Variants in PLPPR1 observed in about 807,000 individuals in gnomAD.
PLPPR1 encodes phospholipid phosphatase related 1.
In PLPPR1, 10 loss-of-function variants were observed where a neutral mutation model predicts 33.1. That is an observed-to-expected ratio of 0.30 (90% CI 0.19 to 0.51). The LOEUF is 0.51. PLPPR1 is among the 20% of genes least tolerant of loss of function. The probability of loss-of-function intolerance (pLI) is 0.97; values close to 1 mark genes in which losing one functional copy is unlikely to be tolerated. For missense variants in PLPPR1, 304 were observed against 408.1 expected (o/e 0.74, Z 2.20); for synonymous variants, 151 against 151.0 (o/e 1.00, Z 0.00).
intron 2 of PLPPR1, among the ~76,000 whole-genome samples, chr9:101,246,055 AATATATATATATATAT>A (rs58070017): frequency 0.039 from 3,361 of 85,672 alleles, 186 homozygotes; most frequent in Middle Eastern, 0.079. Flanking sequence ...ATTGAATATG[AATATATATATATATAT>A]ATATATATAT....
intron 1 of PLPPR1, among the ~76,000 whole-genome samples, chr9:101,071,597 A>C (rs1328348736): frequency 7.8e-6 from 1 of 128,610 alleles, no homozygotes; most frequent in Non-Finnish European, 1.7e-5. Flanking sequence ...GAGCAATGGG[A>C]GTGAGAAGGA....
At chr9:101,100,697 CGTGTGT>C (rs56760066) in intron 1 of PLPPR1, among the ~76,000 whole-genome samples, 3,258 of 146,582 alleles carry the variant, frequency 0.022, 57 homozygotes, top group African/African-American at 0.054. Context: ...CTCTTTGTTC[CGTGTGT>C]GTGTGTGTGT....
At chr9:101,148,425 A>C (rs1331832204) in intron 1 of PLPPR1, among the ~76,000 whole-genome samples, 1 of 151,912 alleles carries the variant, frequency 6.6e-6, no homozygotes, top group Non-Finnish European at 1.5e-5. Flanking sequence ...ATCCTCCACC[A>C]CTTTTCTCTC....
In PLPPR1 at chr9:101,081,985, C is replaced by A. The variant is rs116326668; in HGVS notation, c.-46+52883C>A. Among the ~76,000 whole-genome samples the A allele has an allele frequency of 6.2e-3, 945 of 152,282 alleles. 11 individuals carry two copies. Among genetic ancestry groups the A allele is most frequent in the African/African-American group, 0.022 (912 of 41,558 alleles). On this transcript the variant is annotated intron_variant, in intron 1 of 7. Transcript: ENST00000374874. The stretch of plus-strand genomic sequence containing the variant: ...AAATATCTGCAATTTTAAGCAGGTG[C>A]AATGCTCTGGTTGATGCATCTTTAG...
chr9:101,297,634 A>G (rs1469901106), intron 4 of PLPPR1, among the ~76,000 whole-genome samples: 1 of 152,166 alleles, frequency 6.6e-6, no homozygotes, highest in Non-Finnish European at 1.5e-5. Context: ...TTCTCTATCC[A>G]CTTCTAAACC....
intron 1 of PLPPR1, among the ~76,000 whole-genome samples, chr9:101,125,026 A>G (rs1432455964): frequency 6.6e-6 from 1 of 152,180 alleles, no homozygotes; most frequent in Non-Finnish European, 1.5e-5. Flanking sequence ...TTGCCCTTTG[A>G]GCCATAGCTA....
chr9:101,045,777 G>A (rs961556057), intron 1 of PLPPR1, among the ~76,000 whole-genome samples: 1 of 152,196 alleles, frequency 6.6e-6, no homozygotes, highest in Non-Finnish European at 1.5e-5. Context: ...TTTAACATGG[G>A]AAAGATATTT....
chr9:101,256,307 C>T lies in PLPPR1; in HGVS notation c.64-13573C>T, dbSNP rs1294824518. On this transcript the variant is annotated intron_variant, in intron 2 of 7. Coordinates refer to ENST00000374874, the MANE Select transcript of PLPPR1 (RefSeq NM_207299.2). ...AAAATATTAGGTAGGTGTTTGCTTA[C>T]ACGTTCATAGAATGGTGTGATCACA... Among the ~76,000 whole-genome samples the T allele has an allele frequency of 3.3e-5, 5 of 152,112 alleles. No homozygotes were observed. In the East Asian group the frequency reaches 9.6e-4, roughly 29 times the overall value.
intron 4 of PLPPR1, among the ~76,000 whole-genome samples, chr9:101,302,251 A>G (rs1828767180): frequency 6.6e-6 from 1 of 152,220 alleles, no homozygotes; most frequent in South Asian, 2.1e-4. Flanking sequence ...TGTACTAAGC[A>G]CAGCATATTA....
At position 101,287,328 on chromosome 9, in the gene PLPPR1, C is replaced by CA. The variant is rs1324398763; in HGVS notation, c.385+1093dup. On this transcript the variant is annotated intron_variant, in intron 4 of 7. Transcript: ENST00000374874. ...TGATGCCACTACTATCTAGTTCACT[C>CA]ATTCCAAACAATGGCTCCTTCCAAA... 2.6e-5 allele frequency among the ~76,000 whole-genome samples: 4 copies of CA among 152,180 alleles called. No individual in the cohort carries two copies. The East Asian group carries it at 7.7e-4, about 29-fold the overall frequency.
intron 1 of PLPPR1, among the ~76,000 whole-genome samples, chr9:101,151,739 A>AC (rs1831589305): frequency 6.6e-6 from 1 of 152,138 alleles, no homozygotes; most frequent in Admixed American, 6.5e-5. Flanking sequence ...TCATGATCTT[A>AC]CCCTTAGGTC....
intron 2 of PLPPR1, among the ~76,000 whole-genome samples, chr9:101,259,323 C>A (rs1827855080): frequency 6.6e-6 from 1 of 152,120 alleles, no homozygotes; most frequent in African/African-American, 2.4e-5. Flanking sequence ...TGGTAGGCTG[C>A]TTCTATCCAT....
intron 2 of PLPPR1, among the ~76,000 whole-genome samples, chr9:101,203,979 C>A (rs1348967160): frequency 6.6e-6 from 1 of 152,050 alleles, no homozygotes; most frequent in African/African-American, 2.4e-5. Flanking sequence ...ATTAAGTGGT[C>A]TGTAAAGATA....
intron 4 of PLPPR1, among the ~76,000 whole-genome samples, chr9:101,291,860 T>C (rs1828515953): frequency 1.3e-5 from 2 of 152,022 alleles, no homozygotes; most frequent in Middle Eastern, 3.4e-3. Context: ...ACAGAAAAAC[T>C]GGAAATTCTA....
chr9:101,275,928 G>A (rs1448568110), intron 3 of PLPPR1, among the ~76,000 whole-genome samples: 3 of 152,076 alleles, frequency 2.0e-5, no homozygotes, highest in Admixed American at 2.0e-4. Context: ...TTGATAGAAA[G>A]GCACAATTTG....
In PLPPR1 at chr9:101,312,907, A is replaced by G. The variant is rs746467901; in HGVS notation, c.746A>G (p.Glu249Gly). 6.2e-7 allele frequency: 1 copy of G among 1,614,100 alleles called. No homozygotes were observed. The highest frequency in any genetic ancestry group is 1.7e-5 in the Admixed American group (1 of 60,024). ...AFLTGLNRVS[E>G]YRNHCSDVIA... ...CTGACAGGCCTCAACCGGGTCTCTG[A>G]GTATCGGAACCACTGCTCGGACGTG... Residue 249 changes from glutamate to glycine, a missense_variant, in exon 6 of 8, where the codon GAG becomes GGG. Glu to Gly is a moderately conservative substitution (Grantham distance 98, BLOSUM62 -2). Coordinates refer to ENST00000374874, the MANE Select transcript of PLPPR1 (RefSeq NM_207299.2).
chr9:101,077,649 C>T (rs1830555638), intron 1 of PLPPR1, among the ~76,000 whole-genome samples: 1 of 152,086 alleles, frequency 6.6e-6, no homozygotes, highest in South Asian at 2.1e-4. Flanking sequence ...AGTGAAACTG[C>T]AGTGCATCAC....
Position 101,168,446 on chromosome 9 carries a change from G to T in PLPPR1, c.-45-17004G>T, listed in dbSNP as rs138630368. 6.1e-4 allele frequency among the ~76,000 whole-genome samples: 92 copies of T among 152,020 alleles called. 1 individual carries two copies. Among genetic ancestry groups the T allele is most frequent in the African/African-American group, 2.1e-3 (85 of 41,462 alleles). ...ACTAGAAATCCTTCTCCTTCCTCCTGGGCCTCTTCATAACTAACCTGTCCT... is the reference window on the plus strand; with the variant it reads ...ACTAGAAATCCTTCTCCTTCCTCCTTGGCCTCTTCATAACTAACCTGTCCT... On this transcript the variant is annotated intron_variant, in intron 1 of 7. Coordinates refer to ENST00000374874, the MANE Select transcript of PLPPR1 (RefSeq NM_207299.2).
chr9:101,065,632 T>C (rs1830402947), intron 1 of PLPPR1, among the ~76,000 whole-genome samples: 1 of 152,046 alleles, frequency 6.6e-6, no homozygotes, highest in South Asian at 2.1e-4. Flanking sequence ...CATGAGATGG[T>C]TTAAAAGGTG....
Sources: allele counts gnomAD v4.1 joint callset (sites outside exome capture counted in the v4.1 genomes callset), GRCh38; gene constraint gnomAD v4.1.1; transcripts MANE v1.5; gene names NCBI Gene and HGNC (gene_info 2026-07-23, HGNC 2026-07-21).